Variants in PARD3B observed in about 807,000 individuals in gnomAD.
PARD3B encodes partitioning defective 3 homolog B.
PARD3B carries 103 observed loss-of-function variants against 130.2 expected under a neutral mutation model. The observed-to-expected ratio is 0.79, with a 90% CI of 0.67 to 0.93. The LOEUF (loss-of-function observed/expected upper bound fraction) is 0.93, where lower values mean the gene tolerates loss of function less well. Among genes scored for constraint, PARD3B ranks in the 40% least tolerant of loss-of-function variants. PARD3B has a pLI of 0.00. For synonymous variants in PARD3B, 583 were observed against 553.2 expected (o/e 1.05, Z -0.76); for missense variants, 1,609 against 1,499.2 (o/e 1.07, Z -1.21).
At chr2:204,640,987 A>T (rs1266281389) in intron 1 of PARD3B, among the ~76,000 whole-genome samples, 1 of 147,890 alleles carries the variant, frequency 6.8e-6, no homozygotes, top group Non-Finnish European at 1.5e-5. Context: ...TACTATACAC[A>T]CATATTTACT....
chr2:205,027,095 T>C (rs983202510), intron 3 of PARD3B, among the ~76,000 whole-genome samples: 1 of 152,018 alleles, frequency 6.6e-6, no homozygotes, highest in Non-Finnish European at 1.5e-5. Flanking sequence ...GACCATAGGG[T>C]ACTTATTAAT....
chr2:205,600,423 G>A (rs546536279), intron 22 of PARD3B, among the ~76,000 whole-genome samples: 1 of 152,308 alleles, frequency 6.6e-6, no homozygotes, highest in South Asian at 2.1e-4. Context: ...TCACCCCCAT[G>A]TTCCTAATCC....
chr2:205,588,702 A>T (rs1001174612), intron 22 of PARD3B, among the ~76,000 whole-genome samples: 2 of 152,268 alleles, frequency 1.3e-5, no homozygotes, highest in Non-Finnish European at 2.9e-5. Context: ...AAATTGATAC[A>T]TTTATTGTAT....
At chr2:205,047,960 A>G (rs1307125564) in intron 4 of PARD3B, 1 of 264,634 alleles carries the variant, frequency 3.8e-6, no homozygotes, top group East Asian at 6.9e-5. Flanking sequence ...AGGTAAGCAC[A>G]TGTTTTTATC....
intron 16 of PARD3B, among the ~76,000 whole-genome samples, chr2:205,297,232 A>G (rs1042518834): frequency 6.6e-6 from 1 of 152,192 alleles, no homozygotes; most frequent in Non-Finnish European, 1.5e-5. Context: ...CTCACTTGAA[A>G]GAGACCTCTT....
chr2:204,679,515 C>A (rs1296441140), intron 1 of PARD3B, among the ~76,000 whole-genome samples: 2 of 152,126 alleles, frequency 1.3e-5, no homozygotes, highest in Non-Finnish European at 2.9e-5. Context: ...TGGACAAGAT[C>A]AATATCTTCA....
At chr2:205,374,122 C>T (rs2044934248) in intron 18 of PARD3B, among the ~76,000 whole-genome samples, 1 of 149,512 alleles carries the variant, frequency 6.7e-6, no homozygotes, top group East Asian at 2.0e-4. Context: ...AGGGAAATGT[C>T]TAAGCTTTTC....
chr2:205,527,892 T>C (rs535509253), intron 21 of PARD3B, among the ~76,000 whole-genome samples: 6 of 152,250 alleles, frequency 3.9e-5, no homozygotes, highest in South Asian at 2.1e-4. Context: ...TAAAGCCTAG[T>C]CCTCATCTCA....
intron 22 of PARD3B, among the ~76,000 whole-genome samples, chr2:205,559,397 C>T (rs568903853): frequency 6.6e-6 from 1 of 152,242 alleles, no homozygotes; most frequent in East Asian, 1.9e-4. Flanking sequence ...CAGCTTGCCT[C>T]AGCCTCCCAA....
rs915828201 is a variant in PARD3B at position 205,562,015 on chromosome 2, T to G, written c.3260+8612T>G. On this transcript the variant is annotated intron_variant, in intron 22 of 22. Coordinates refer to ENST00000406610, the MANE Select transcript of PARD3B (RefSeq NM_001302769.2). The surrounding 1 kb of genome is among the most constrained non-coding windows in gnomAD (Gnocchi z 5.4). ...TAAGGCCAAGGACAAAATGATGAATTAGCAGCGATTTAATTCTTTGTGAGA... is the reference window on the plus strand; with the variant it reads ...TAAGGCCAAGGACAAAATGATGAATGAGCAGCGATTTAATTCTTTGTGAGA... Among the ~76,000 whole-genome samples, 28 of 152,276 alleles carry G rather than the reference T, an allele frequency of 1.8e-4. No homozygotes were observed. The highest frequency in any genetic ancestry group is 6.7e-4 in the African/African-American group (28 of 41,568).
rs1185448840 is a variant in PARD3B at position 205,584,444 on chromosome 2, G to A, written c.3261-31012G>A. 2.0e-5 allele frequency among the ~76,000 whole-genome samples: 3 copies of A among 152,112 alleles called. No homozygotes were observed. Among genetic ancestry groups the A allele is most frequent in the South Asian group, 2.1e-4 (1 of 4,824 alleles). On this transcript the variant is annotated intron_variant, in intron 22 of 22. Transcript: ENST00000406610. The surrounding 1 kb of genome is among the most constrained non-coding windows in gnomAD (Gnocchi z 5.5). The stretch of plus-strand genomic sequence containing the variant: ...TACAATCCCAGCACTTTAGGAGGCC[G>A]AGGCAGGCCGATCACCTGACGTCAG...
chr2:204,864,537 C>T (rs75819743), intron 2 of PARD3B, among the ~76,000 whole-genome samples: 1,916 of 152,200 alleles, frequency 0.013, 45 homozygotes, highest in African/African-American at 0.044. Context: ...AAAGTGTCCA[C>T]GCAAAGTCCC....
At chr2:205,189,915 A>G in intron 14 of PARD3B, among the ~76,000 whole-genome samples, 1 of 152,210 alleles carries the variant, frequency 6.6e-6, no homozygotes, top group Non-Finnish European at 1.5e-5. Context: ...CTTGGTCACA[A>G]TCAAAATGAT....
At position 204,990,810 on chromosome 2, in the gene PARD3B, A is replaced by T. The variant is rs143115918; in HGVS notation, c.394+25487A>T. ...TTTCCCTACCTAAAGCCATAGAGAG[A>T]CTCTTCTACTTTATATAAAAGTTTC... On this transcript the variant is annotated intron_variant, in intron 3 of 22. Transcript: ENST00000406610. Among the ~76,000 whole-genome samples, 80 of 152,094 alleles carry T rather than the reference A, an allele frequency of 5.3e-4. No homozygotes were observed. In the East Asian group the frequency reaches 0.012, roughly 22 times the overall value.
chr2:205,074,905 G>T (rs1446483588), intron 4 of PARD3B, among the ~76,000 whole-genome samples: 1 of 152,128 alleles, frequency 6.6e-6, no homozygotes, highest in African/African-American at 2.4e-5. Context: ...ATAATTAAAT[G>T]ATCCAATATC....
chr2:205,275,837 CAA>C (rs59238795), intron 16 of PARD3B, among the ~76,000 whole-genome samples: 6,056 of 60,350 alleles, frequency 0.1, 59 homozygotes, highest in South Asian at 0.17. Flanking sequence ...AACTTTGTCT[CAA>C]AAAAAAAAAA....
At chr2:205,138,687 C>CG (rs2032696116) in intron 10 of PARD3B, among the ~76,000 whole-genome samples, 3 of 152,184 alleles carry the variant, frequency 2.0e-5, no homozygotes, top group African/African-American at 7.2e-5. Flanking sequence ...ACACTCAATA[C>CG]AGACAGTGCC....
At chr2:204,614,500 A>C (rs1387916282) in intron 1 of PARD3B, among the ~76,000 whole-genome samples, 3 of 152,168 alleles carry the variant, frequency 2.0e-5, no homozygotes, top group Non-Finnish European at 4.4e-5. Flanking sequence ...GGAAACTAAA[A>C]CTGAGATATT....
At chr2:204,720,444 G>C (rs1412735431) in intron 2 of PARD3B, among the ~76,000 whole-genome samples, 1 of 152,166 alleles carries the variant, frequency 6.6e-6, no homozygotes. Context: ...GAATCTAAGT[G>C]AAAACTGCAT....
Sources: allele counts gnomAD v4.1 joint callset (sites outside exome capture counted in the v4.1 genomes callset), GRCh38; gene constraint gnomAD v4.1.1; non-coding constraint Gnocchi (gnomAD v3.1); transcripts MANE v1.5; gene names NCBI Gene and HGNC (gene_info 2026-07-23, HGNC 2026-07-21).